The following NELL1 variants were observed in gnomAD, a reference collection of about 807,000 sequenced individuals.
NELL1 encodes the protein neural EGFL like 1.
NELL1 carries 76 observed loss-of-function variants against 107.4 expected under a neutral mutation model. The ratio of observed to expected loss-of-function variants is 0.71; its 90% CI spans 0.59 to 0.86. The LOEUF (loss-of-function observed/expected upper bound fraction) is 0.86, where lower values mean the gene tolerates loss of function less well. Ranked by LOEUF, NELL1 falls within the 40% of genes least tolerant of loss-of-function variation. NELL1 has a pLI of 0.00. For missense variants in NELL1, 1,024 were observed against 1,005.5 expected (o/e 1.02, Z -0.25); for synonymous variants, 353 against 341.2 (o/e 1.03, Z -0.38).
intron 13 of NELL1, among the ~76,000 whole-genome samples, chr11:21,191,534 C>T (rs1195342334): frequency 1.3e-5 from 2 of 151,856 alleles, no homozygotes; most frequent in African/African-American, 4.9e-5. Context: ...ATTCATGTTG[C>T]TATAAGGCAC....
intron 12 of NELL1, among the ~76,000 whole-genome samples, chr11:21,066,996 A>AATAAATAAATAT (rs1454548036): frequency 3.3e-5 from 5 of 150,758 alleles, no homozygotes; most frequent in Non-Finnish European, 5.9e-5. Flanking sequence ...TAAATAAATA[A>AATAAATAAATAT]ATAGAGTTCC....
chr11:20,678,569 G>T (rs1011648959), intron 2 of NELL1, among the ~76,000 whole-genome samples: 2 of 152,130 alleles, frequency 1.3e-5, no homozygotes, highest in East Asian at 3.9e-4. Context: ...AACATGGTGT[G>T]GTTCTTAGAA....
At chr11:20,946,574 T>G (rs903442185) in intron 10 of NELL1, among the ~76,000 whole-genome samples, 15 of 152,158 alleles carry the variant, frequency 9.9e-5, no homozygotes, top group Admixed American at 3.3e-4. Flanking sequence ...CTGATCCTCT[T>G]TCAGTTCATT....
chr11:21,519,439 GACCACTGTTTGAGA>G (rs1411565468), intron 15 of NELL1, among the ~76,000 whole-genome samples: 1 of 152,032 alleles, frequency 6.6e-6, no homozygotes, highest in East Asian at 1.9e-4. Flanking sequence ...CTAGTCTGAG[GACCACTGTTTGAGA>G]ACCACTGATT....
At chr11:21,547,179 A>G (rs186091902) in intron 16 of NELL1, among the ~76,000 whole-genome samples, 3 of 152,122 alleles carry the variant, frequency 2.0e-5, no homozygotes, top group Admixed American at 2.0e-4. Context: ...GGCAATGTAT[A>G]TGGTAATCTT....
intron 12 of NELL1, among the ~76,000 whole-genome samples, chr11:21,023,281 T>C (rs1325093759): frequency 1.3e-5 from 2 of 152,038 alleles, no homozygotes; most frequent in Non-Finnish European, 2.9e-5. Flanking sequence ...AGTTTTCTCA[T>C]TGTAAAATGA....
At chr11:20,840,783 T>A (rs1244089080) in intron 3 of NELL1, among the ~76,000 whole-genome samples, 4 of 152,370 alleles carry the variant, frequency 2.6e-5, no homozygotes, top group Admixed American at 2.6e-4. Context: ...AGTTCCCACC[T>A]TTCAAGGTAA....
At chr11:21,189,241 A>G (rs1431507777) in intron 13 of NELL1, among the ~76,000 whole-genome samples, 1 of 151,864 alleles carries the variant, frequency 6.6e-6, no homozygotes, top group Non-Finnish European at 1.5e-5. Context: ...ATTACAAAGA[A>G]TGTTGGAATT....
chr11:21,557,073 G>C (rs150383064), intron 16 of NELL1, among the ~76,000 whole-genome samples: 14 of 152,028 alleles, frequency 9.2e-5, no homozygotes, highest in African/African-American at 3.4e-4. Context: ...AATAGATTAA[G>C]TTGGCTTTGT....
intron 12 of NELL1, among the ~76,000 whole-genome samples, chr11:21,037,559 A>G (rs1853126203): frequency 6.6e-6 from 1 of 152,202 alleles, no homozygotes. Context: ...TTATATGCAT[A>G]CATTGCATAT....
Position 21,169,927 on chromosome 11 carries a change from G to C in NELL1, c.1426+56213G>C, listed in dbSNP as rs904231077. 4 of 1,461,546 alleles carry C rather than the reference G, an allele frequency of 2.7e-6. No individual in the cohort carries two copies. In the African/African-American group the frequency reaches 5.6e-5, roughly 21 times the overall value. 90.5% of individuals were successfully genotyped at this position (1,461,546 alleles called of 1,614,324 possible). A position where few individuals can be genotyped will look rare whatever the true frequency, so the allele number is the denominator to read the frequency against. On this transcript the variant is annotated intron_variant, in intron 13 of 19. Transcript: ENST00000357134. ...CGTCCACCGATGCCTTTTATGGCAG[G>C]AGGAAGTGCGGCTGGACCAAGAGCC...
chr11:21,529,400 A>T (rs1012565679), intron 15 of NELL1, among the ~76,000 whole-genome samples: 7 of 152,238 alleles, frequency 4.6e-5, no homozygotes, highest in Admixed American at 3.9e-4. Flanking sequence ...AAGAGATAGA[A>T]GAACTAGCCT....
chr11:21,135,355 C>G (rs558324413), intron 13 of NELL1, among the ~76,000 whole-genome samples: 42 of 152,304 alleles, frequency 2.8e-4, no homozygotes, highest in African/African-American at 9.6e-4. Flanking sequence ...ATGAAGAACT[C>G]AGGCAGAGAA....
At chr11:21,108,242 G>A (rs558354221) in intron 12 of NELL1, among the ~76,000 whole-genome samples, 5 of 152,084 alleles carry the variant, frequency 3.3e-5, no homozygotes, top group South Asian at 2.1e-4. Flanking sequence ...TCTTTGCATC[G>A]CTTCTATCGG....
At chr11:20,947,552 C>T (rs572016318) in intron 11 of NELL1, 117 bp downstream of exon 11, 15 of 727,076 alleles carry the variant, frequency 2.1e-5, no homozygotes, top group South Asian at 5.1e-5. Flanking sequence ...GTGCGCTGCT[C>T]CTTAAAAAGT....
intron 15 of NELL1, among the ~76,000 whole-genome samples, chr11:21,418,815 G>A (rs575606833): frequency 5.4e-4 from 82 of 152,192 alleles, no homozygotes; most frequent in African/African-American, 6.5e-4. Flanking sequence ...TGAAGATAGC[G>A]TGTCCAAAAT....
chr11:21,448,190 T>C (rs1163172582), intron 15 of NELL1, among the ~76,000 whole-genome samples: 1 of 152,184 alleles, frequency 6.6e-6, no homozygotes, highest in Non-Finnish European at 1.5e-5. Context: ...TTTTGGTTCT[T>C]ATGCAGGTGT....
intron 2 of NELL1, 102 bp downstream of exon 2, chr11:20,678,162 A>G: frequency 1.5e-6 from 2 of 1,355,686 alleles, no homozygotes; most frequent in Non-Finnish European, 1.0e-6. Flanking sequence ...CGCCTTTGCT[A>G]TTTCTCTTGT....
chr11:20,748,958 A>ATCCATCCG (rs1470512190), intron 2 of NELL1, among the ~76,000 whole-genome samples: 1 of 150,390 alleles, frequency 6.6e-6, no homozygotes, highest in Non-Finnish European at 1.5e-5. Flanking sequence ...CCATCCATCC[A>ATCCATCCG]TATTTTGACA....
Sources: allele counts gnomAD v4.1 joint callset (sites outside exome capture counted in the v4.1 genomes callset), GRCh38; gene constraint gnomAD v4.1.1; transcripts MANE v1.5; gene names NCBI Gene and HGNC (gene_info 2026-07-23, HGNC 2026-07-21).